Variants in GPCPD1 observed in about 807,000 individuals in gnomAD.
GPCPD1 encodes glycerophosphocholine phosphodiesterase GPCPD1.
GPCPD1 carries 29 observed loss-of-function variants against 89.2 expected under a neutral mutation model. The ratio of observed to expected loss-of-function variants is 0.33; its 90% CI spans 0.24 to 0.44. GPCPD1 has a LOEUF of 0.44. Ranked by LOEUF, GPCPD1 falls within the 20% of genes least tolerant of loss-of-function variation. GPCPD1 has a pLI of 1.00. For missense variants in GPCPD1, 594 were observed against 808.9 expected (o/e 0.73, Z 3.22); for synonymous variants, 258 against 266.3 (o/e 0.97, Z 0.30).
At chr20:5,549,945 CA>C (rs1158674659) in intron 19 of GPCPD1, among the ~76,000 whole-genome samples, 1 of 152,060 alleles carries the variant, frequency 6.6e-6, no homozygotes, top group Non-Finnish European at 1.5e-5. Context: ...GTAATCCCAG[CA>C]CTTTGGGAGG....
rs555264240 is a variant in GPCPD1 at position 5,589,842 on chromosome 20, T to G, written c.231+3485A>C. Among the ~76,000 whole-genome samples, 137 of 152,214 alleles carry G rather than the reference T, an allele frequency of 9.0e-4. 2 individuals carry two copies. The highest frequency in any genetic ancestry group is 1.3e-3 in the Non-Finnish European group (86 of 68,030). ...AAGCTTTTTGGAGTAACATGGGAGA[T>G]AGATCTTTGGAGAAAAAAGTAATGA... On this transcript the variant is annotated intron_variant, in intron 4 of 19. Coordinates refer to ENST00000379019, the MANE Select transcript of GPCPD1 (RefSeq NM_019593.5).
At chr20:5,556,441 T>C (rs946034734) in intron 19 of GPCPD1, among the ~76,000 whole-genome samples, 2 of 152,184 alleles carry the variant, frequency 1.3e-5, no homozygotes, top group Admixed American at 6.5e-5. Flanking sequence ...CCTGATCTCA[T>C]GATCTGCCCG....
intron 3 of GPCPD1, among the ~76,000 whole-genome samples, chr20:5,596,861 A>G (rs191126535): frequency 1.4e-3 from 207 of 152,368 alleles, no homozygotes; most frequent in African/African-American, 4.0e-3. Flanking sequence ...AACACTGTTT[A>G]TCTGCTACCT....
intron 4 of GPCPD1, among the ~76,000 whole-genome samples, chr20:5,588,396 A>T (rs917759360): frequency 6.6e-6 from 1 of 152,006 alleles, no homozygotes; most frequent in Non-Finnish European, 1.5e-5. Context: ...TCCCAGCTAC[A>T]TGTGAGGCTG....
At chr20:5,555,796 G>C (rs950111996) in intron 19 of GPCPD1, among the ~76,000 whole-genome samples, 2 of 152,248 alleles carry the variant, frequency 1.3e-5, no homozygotes, top group African/African-American at 4.8e-5. Flanking sequence ...GGAGGTTGCA[G>C]TGAGCCAAGA....
At chr20:5,604,615 G>GGC (rs113976291) in intron 1 of GPCPD1, among the ~76,000 whole-genome samples, 175 bp from the exon 2 acceptor site, 4 of 78,012 alleles carry the variant, frequency 5.1e-5, no homozygotes, top group Admixed American at 4.5e-4. Context: ...TTAGTGCGGG[G>GGC]GGGGGGGGGC....
At chr20:5,600,953 G>C (rs1172062434) in intron 2 of GPCPD1, among the ~76,000 whole-genome samples, 1 of 152,120 alleles carries the variant, frequency 6.6e-6, no homozygotes, top group Non-Finnish European at 1.5e-5. Context: ...TCATGCCACT[G>C]CACTTCAGCT....
At chr20:5,565,193 A>G (rs1986322425) in intron 14 of GPCPD1, 115 bp from the exon 15 acceptor site, 3 of 663,934 alleles carry the variant, frequency 4.5e-6, no homozygotes, top group Non-Finnish European at 2.7e-6. Context: ...TGTGTGTGTG[A>G]GCAAGCGCGA....
intron 19 of GPCPD1, among the ~76,000 whole-genome samples, chr20:5,557,570 G>A (rs1311994649): frequency 6.6e-6 from 1 of 152,110 alleles, no homozygotes; most frequent in Non-Finnish European, 1.5e-5. Flanking sequence ...GTCTACAGAG[G>A]TCTAGGGAAG....
In GPCPD1 at chr20:5,547,185, G is replaced by A. The variant is rs964866119; in HGVS notation, c.*476C>T. On this transcript the variant is annotated 3_prime_UTR_variant, in exon 20 of 20. Coordinates refer to ENST00000379019, the MANE Select transcript of GPCPD1 (RefSeq NM_019593.5). ...TGTAAAAAATACCTATATACAAGAT[G>A]GCACAAAGATTTGTGCAGTTGGAAT... 2 of 152,460 alleles carry A rather than the reference G, an allele frequency of 1.3e-5. No homozygotes were observed. Among genetic ancestry groups the A allele is most frequent in the African/African-American group, 4.8e-5 (2 of 41,388 alleles). 9.4% of individuals were successfully genotyped at this position (152,460 alleles called of 1,614,324 possible).
intron 4 of GPCPD1, among the ~76,000 whole-genome samples, chr20:5,592,853 T>C (rs1299298014): frequency 2.0e-5 from 3 of 152,166 alleles, no homozygotes; most frequent in Non-Finnish European, 4.4e-5. Flanking sequence ...ATAACATCTT[T>C]GAAAAAATCT....
chr20:5,607,781 A>G (rs238296), intron 1 of GPCPD1, among the ~76,000 whole-genome samples: 105,572 of 150,148 alleles, frequency 0.7, 38,419 homozygotes, highest in African/African-American at 0.9. Context: ...TTGTGCCACC[A>G]CACTCCTGCC....
In GPCPD1 at chr20:5,567,564, A is replaced by G. The variant is rs756038259; in HGVS notation, c.1150-4T>C. On this transcript the variant is annotated splice_region_variant and splice_polypyrimidine_tract_variant and intron_variant, in intron 12 of 19. Coordinates refer to ENST00000379019, the MANE Select transcript of GPCPD1 (RefSeq NM_019593.5). ...CAACTGGATCAGCATCAAATTTCTA[A>G]AAAAAAAAAAAAAAGAAAGAAAGAA... 1.1e-4 allele frequency: 12 copies of G among 113,732 alleles called. No homozygotes were observed. The highest frequency in any genetic ancestry group is 1.3e-4 in the Non-Finnish European group (12 of 95,058). 7.0% of individuals were successfully genotyped at this position (113,732 alleles called of 1,614,324 possible). A position where few individuals can be genotyped will look rare whatever the true frequency, so the allele number is the denominator to read the frequency against.
chr20:5,568,234 ATATATATATATACTTAG>A (rs1156490639), intron 12 of GPCPD1, among the ~76,000 whole-genome samples: 1 of 148,804 alleles, frequency 6.7e-6, no homozygotes, highest in African/African-American at 2.5e-5. Context: ...TACTTAGTAT[ATATATATATATACTTAG>A]TATATATATA....
chr20:5,549,119 G>T, intron 19 of GPCPD1: 1 of 649,834 alleles, frequency 1.5e-6, no homozygotes, highest in South Asian at 1.4e-5. Context: ...TAAGGATGGT[G>T]TTGAGCCCAT....
intron 11 of GPCPD1, among the ~76,000 whole-genome samples, 187 bp from the exon 12 acceptor site, chr20:5,570,426 CAAAAAAAAAAAA>C (rs36030193): frequency 7.0e-5 from 6 of 86,048 alleles, no homozygotes; most frequent in Non-Finnish European, 1.1e-4. Flanking sequence ...TTTTTCCTGG[CAAAAAAAAAAAA>C]AAAAAAAAAC....
In GPCPD1 at chr20:5,604,953, G is replaced by A. The variant is rs74551642; in HGVS notation, c.-28-513C>T. Among the ~76,000 whole-genome samples, 587 of 150,812 alleles carry A rather than the reference G, an allele frequency of 3.9e-3. 12 individuals carry two copies. In the East Asian group the frequency reaches 0.065, roughly 17 times the overall value. On this transcript the variant is annotated intron_variant, in intron 1 of 19. Coordinates refer to ENST00000379019, the MANE Select transcript of GPCPD1 (RefSeq NM_019593.5). ...GAGCCACAGAGCAAGACCCTGTCTCGAAAAAAACAAAACACAAAGTCTCAA... is the reference window on the plus strand; with the variant it reads ...GAGCCACAGAGCAAGACCCTGTCTCAAAAAAAACAAAACACAAAGTCTCAA...
In GPCPD1 at chr20:5,604,616, G is replaced by GGA. The variant is rs370640048; in HGVS notation, c.-28-177_-28-176insTC. On this transcript the variant is annotated intron_variant, in intron 1 of 19. Coordinates refer to ENST00000379019, the MANE Select transcript of GPCPD1 (RefSeq NM_019593.5). ...GTTTTAAAGTAACTTTAGTGCGGGG[G>GGA]GGGGGGGGCGGGAAAGAAACAAGTG... Among the ~76,000 whole-genome samples, 8 of 66,742 alleles carry GGA rather than the reference G, an allele frequency of 1.2e-4. No homozygotes were observed. The South Asian group carries it at 5.5e-3, about 46-fold the overall frequency. The allele number at this position is 66,742 out of a possible 152,430, so 43.8% of individuals were successfully genotyped here.
chr20:5,581,906 C>T (rs547485412), intron 6 of GPCPD1, among the ~76,000 whole-genome samples: 4 of 140,090 alleles, frequency 2.9e-5, no homozygotes, highest in Non-Finnish European at 6.0e-5. Flanking sequence ...TACTCCAGGC[C>T]GGGCGCGGTG....
Sources: gnomAD v4.1 joint callset for allele counts (sites outside exome capture counted in the v4.1 genomes callset) on GRCh38, gnomAD v4.1.1 for gene constraint, MANE v1.5 for transcripts, NCBI Gene and HGNC (gene_info 2026-07-23, HGNC 2026-07-21) for gene names.